The following APBB2 variants were observed in gnomAD, a reference collection of about 807,000 sequenced individuals.
The protein encoded by APBB2 is amyloid beta precursor protein binding family B member 2.
Under a neutral mutation model 82.5 loss-of-function variants are expected in APBB2, and 38 were observed. The observed-to-expected ratio is 0.46, with a 90% CI of 0.36 to 0.60. The LOEUF is 0.60. Among genes scored for constraint, APBB2 ranks in the 20% least tolerant of loss-of-function variants. The pLI is 0.00. For synonymous variants in APBB2, 341 were observed against 368.2 expected, an observed-to-expected ratio of 0.93 and a Z score of 0.85; for missense variants, 772 against 972.3, an observed-to-expected ratio of 0.79 and a Z score of 2.74.
intron 3 of APBB2, among the ~76,000 whole-genome samples, chr4:41,068,172 A>C (rs1005678200): frequency 2.6e-5 from 4 of 152,168 alleles, no homozygotes; most frequent in Non-Finnish European, 5.9e-5. Flanking sequence ...TACCTATACT[A>C]TGTTTTTTCC....
chr4:40,829,737 C>T (rs917005574), intron 13 of APBB2, among the ~76,000 whole-genome samples: 7 of 151,990 alleles, frequency 4.6e-5, no homozygotes, highest in South Asian at 2.1e-4. Flanking sequence ...TGGTGGGAGG[C>T]GGAGGCTAGG....
intron 10 of APBB2, among the ~76,000 whole-genome samples, chr4:40,922,940 T>C (rs535024963): frequency 5.4e-4 from 82 of 151,172 alleles, no homozygotes; most frequent in African/African-American, 1.9e-3. Context: ...AATCTAATTG[T>C]TCTGTAGGAA....
intron 10 of APBB2, among the ~76,000 whole-genome samples, chr4:40,912,578 TAAA>T (rs35548187): frequency 5.6e-5 from 7 of 124,852 alleles, no homozygotes; most frequent in Non-Finnish European, 8.6e-5. Flanking sequence ...TTCCTTCTCA[TAAA>T]AAAAAAAAAA....
At chr4:41,052,208 AATACATACATACATACATAC>A (rs33920742) in intron 4 of APBB2, among the ~76,000 whole-genome samples, 6 of 149,702 alleles carry the variant, frequency 4.0e-5, no homozygotes, top group African/African-American at 1.2e-4. Context: ...TCTGTACAAA[AATACATACATACATACATAC>A]ATACATACAT....
chr4:40,912,008 G>T (rs114984801), intron 10 of APBB2, among the ~76,000 whole-genome samples: 2 of 152,206 alleles, frequency 1.3e-5, no homozygotes, highest in African/African-American at 4.8e-5. Context: ...GGAGAGTATG[G>T]TTTGGACTAT....
intron 3 of APBB2, among the ~76,000 whole-genome samples, chr4:41,093,036 C>CT (rs1742313373): frequency 6.6e-6 from 1 of 152,118 alleles, no homozygotes; most frequent in Non-Finnish European, 1.5e-5. Context: ...TCCTCTTTTC[C>CT]AGTAACATCA....
At chr4:41,069,134 C>T (rs1446033207) in intron 3 of APBB2, among the ~76,000 whole-genome samples, 1 of 152,060 alleles carries the variant, frequency 6.6e-6, no homozygotes, top group Non-Finnish European at 1.5e-5. Flanking sequence ...TGCTCCAATT[C>T]AAAGGTCCTT....
intron 3 of APBB2, among the ~76,000 whole-genome samples, chr4:41,078,610 G>C (rs1736463620): frequency 1.3e-5 from 2 of 152,128 alleles, no homozygotes; most frequent in Non-Finnish European, 2.9e-5. Context: ...CACACCTCTA[G>C]TTTTAGTTAA....
intron 6 of APBB2, among the ~76,000 whole-genome samples, chr4:40,947,320 C>T (rs73809207): frequency 0.03 from 4,631 of 152,278 alleles, 228 homozygotes; most frequent in African/African-American, 0.1. Context: ...CTGCCAGTTA[C>T]CATTTCTGTG....
chr4:40,877,821 G>A (rs1767305774), intron 12 of APBB2, among the ~76,000 whole-genome samples: 1 of 152,172 alleles, frequency 6.6e-6, no homozygotes, highest in South Asian at 2.1e-4. Context: ...TAGGAGCCAC[G>A]TGTCATGAAC....
intron 10 of APBB2, among the ~76,000 whole-genome samples, chr4:40,934,056 T>C (rs12331452): frequency 0.086 from 13,158 of 152,276 alleles, 604 homozygotes; most frequent in Middle Eastern, 0.14. Context: ...GATTTCACCT[T>C]GCACAGATAT....
intron 2 of APBB2, chr4:41,118,270 C>G (rs548998259): frequency 6.6e-6 from 1 of 152,132 alleles, no homozygotes; most frequent in East Asian, 1.9e-4. Context: ...TAATTAGCCA[C>G]TAGTCGTGGA....
intron 3 of APBB2, among the ~76,000 whole-genome samples, chr4:41,077,993 A>C (rs569388772): frequency 8.5e-4 from 129 of 152,356 alleles, no homozygotes; most frequent in African/African-American, 3.1e-3. Context: ...AAATAAATAG[A>C]ATACCAAGCA....
At chr4:41,087,776 C>T (rs1356995112) in intron 3 of APBB2, among the ~76,000 whole-genome samples, 15 of 152,114 alleles carry the variant, frequency 9.9e-5, no homozygotes, top group Admixed American at 9.8e-4. Flanking sequence ...ATATTCAGGC[C>T]TACAGTGGGA....
chr4:40,977,532 C>T (rs760555774), intron 6 of APBB2, among the ~76,000 whole-genome samples: 51 of 152,108 alleles, frequency 3.4e-4, no homozygotes, highest in East Asian at 9.6e-4. Flanking sequence ...AAGCTGGTCT[C>T]GAATTTCTGA....
chr4:40,899,056 TCA>T (rs1774529621), intron 10 of APBB2, among the ~76,000 whole-genome samples: 1 of 152,196 alleles, frequency 6.6e-6, no homozygotes, highest in Non-Finnish European at 1.5e-5. Flanking sequence ...ATGTGGTTCC[TCA>T]GACTGAAAGT....
chr4:41,158,074 A>G (rs1763934493), intron 1 of APBB2, among the ~76,000 whole-genome samples: 1 of 152,044 alleles, frequency 6.6e-6, no homozygotes, highest in Admixed American at 6.6e-5. Flanking sequence ...AATTAAGAGA[A>G]GTGGGATATT....
At chr4:41,110,401 G>A (rs1029338962) in intron 2 of APBB2, among the ~76,000 whole-genome samples, 2 of 151,950 alleles carry the variant, frequency 1.3e-5, no homozygotes, top group East Asian at 1.9e-4. Flanking sequence ...TCAGGAGTTC[G>A]AGACCAGCCT....
Position 40,815,912 on chromosome 4 carries a change from T to C in APBB2, c.*180A>G, listed in dbSNP as rs1175804746. 1.5e-6 allele frequency: 1 copy of C among 678,772 alleles called. No individual in the cohort carries two copies. Among genetic ancestry groups the C allele is most frequent in the Non-Finnish European group, 2.5e-6 (1 of 402,746 alleles). 42.0% of individuals were successfully genotyped at this position (678,772 alleles called of 1,614,324 possible). A position where few individuals can be genotyped will look rare whatever the true frequency, so the allele number is the denominator to read the frequency against. On this transcript the variant is annotated 3_prime_UTR_variant, in exon 18 of 18. Transcript: ENST00000508593. ...CAAAAAAAATTATTCATGCTTCTTT[T>C]CATATCACATGATGGTGGCAAGACG...
Sources: allele counts gnomAD v4.1 joint callset (sites outside exome capture counted in the v4.1 genomes callset), GRCh38; gene constraint gnomAD v4.1.1; transcripts MANE v1.5; gene names NCBI Gene and HGNC (gene_info 2026-07-23, HGNC 2026-07-21).